The following LAMA2 variants were observed in gnomAD, a reference collection of about 807,000 sequenced individuals.
LAMA2 encodes laminin subunit alpha 2.
In LAMA2, 269 loss-of-function variants were observed where a neutral mutation model predicts 364.8. That is an observed-to-expected ratio of 0.74 (90% CI 0.67 to 0.82). LAMA2 has a LOEUF of 0.82. LAMA2 is among the 40% of genes least tolerant of loss of function. The probability of loss-of-function intolerance (pLI) is 0.00; values close to 1 mark genes in which losing one functional copy is unlikely to be tolerated. For missense variants in LAMA2, 3,807 were observed against 3,873.2 expected, an observed-to-expected ratio of 0.98 and a Z score of 0.45; for synonymous variants, 1,379 against 1,370.6, an observed-to-expected ratio of 1.01 and a Z score of -0.14.
intron 4 of LAMA2, among the ~76,000 whole-genome samples, chr6:129,109,825 A>G (rs1476957084): frequency 6.6e-6 from 1 of 152,026 alleles, no homozygotes; most frequent in African/African-American, 2.4e-5. Context: ...TATTTTTATT[A>G]TTAATTGACT....
intron 41 of LAMA2, among the ~76,000 whole-genome samples, chr6:129,435,540 ATATAT>A (rs1408420915): frequency 6.6e-6 from 1 of 152,180 alleles, no homozygotes; most frequent in Admixed American, 6.6e-5. Flanking sequence ...GAAAATAATA[ATATAT>A]TAGTGACTGA....
Position 128,885,271 on chromosome 6 carries a change from A to G in LAMA2, c.112+1914A>G, listed in dbSNP as rs58649710. Among the ~76,000 whole-genome samples the G allele has an allele frequency of 7.9e-3, 1,203 of 152,336 alleles. 15 individuals are homozygous for G. Among genetic ancestry groups the G allele is most frequent in the African/African-American group, 0.028 (1,161 of 41,572 alleles). The stretch of plus-strand genomic sequence containing the variant: ...TTAATGTTGAAAGTATGTAAAATTC[A>G]TGAAACTTTAAAATTGGATAGTGAT... On this transcript the variant is annotated intron_variant, in intron 1 of 64. Transcript: ENST00000421865.
At chr6:129,411,289 T>C (rs10456978) in intron 40 of LAMA2, among the ~76,000 whole-genome samples, 76,210 of 151,962 alleles carry the variant, frequency 0.5, 19,608 homozygotes, top group African/African-American at 0.62. Flanking sequence ...CTAAAAAATG[T>C]TGACCAGGCC....
chr6:129,053,713 A>G (rs1788258469), intron 2 of LAMA2, among the ~76,000 whole-genome samples: 1 of 152,236 alleles, frequency 6.6e-6, no homozygotes, highest in Non-Finnish European at 1.5e-5. Context: ...ATGGCCATCC[A>G]TTGAACACCT....
chr6:129,076,687 A>T lies in LAMA2; in HGVS notation c.396+16791A>T, dbSNP rs187193752. 3.7e-3 allele frequency among the ~76,000 whole-genome samples: 563 copies of T among 151,720 alleles called. 1 individual carries two copies. Among genetic ancestry groups the T allele is most frequent in the African/African-American group, 0.013 (539 of 41,438 alleles). ...GAAATAGCCAATAAAATTGTGTGGAAAAAAGATAGCGGTAGCAGATAATAA... is the reference window on the plus strand; with the variant it reads ...GAAATAGCCAATAAAATTGTGTGGATAAAAGATAGCGGTAGCAGATAATAA... On this transcript the variant is annotated intron_variant, in intron 3 of 64. Coordinates refer to ENST00000421865, the MANE Select transcript of LAMA2 (RefSeq NM_000426.4).
chr6:129,211,896 C>A (rs547892270), intron 12 of LAMA2, among the ~76,000 whole-genome samples: 1 of 152,268 alleles, frequency 6.6e-6, no homozygotes, highest in East Asian at 1.9e-4. Flanking sequence ...TAGAACCTAG[C>A]AGATTGCTTT....
intron 9 of LAMA2, among the ~76,000 whole-genome samples, chr6:129,167,416 G>C (rs1045043012): frequency 6.7e-6 from 1 of 150,368 alleles, no homozygotes; most frequent in Non-Finnish European, 1.5e-5. Flanking sequence ...GTGGTGTTTG[G>C]TTTTTTGTTC....
chr6:129,362,314 T>C (rs912711849), intron 32 of LAMA2, among the ~76,000 whole-genome samples: 5 of 152,168 alleles, frequency 3.3e-5, no homozygotes, highest in Non-Finnish European at 7.3e-5. Context: ...TAAACCATTG[T>C]TTTTAATGTA....
At chr6:128,986,209 TC>T (rs1783224761) in intron 1 of LAMA2, among the ~76,000 whole-genome samples, 2 of 152,298 alleles carry the variant, frequency 1.3e-5, no homozygotes, top group African/African-American at 4.8e-5. Flanking sequence ...GGCTTTCTAG[TC>T]CTTTAAACTC....
At chr6:129,451,433 T>C (rs1181372449) in intron 45 of LAMA2, among the ~76,000 whole-genome samples, 1 of 152,076 alleles carries the variant, frequency 6.6e-6, no homozygotes, top group Non-Finnish European at 1.5e-5. Context: ...AATAAGAAAG[T>C]GGTTTAAGCA....
rs991891257 is a variant in LAMA2, at chr6:129,292,788, G to A, written c.2856+1068G>A. On this transcript the variant is annotated intron_variant, in intron 20 of 64. Coordinates refer to ENST00000421865, the MANE Select transcript of LAMA2 (RefSeq NM_000426.4). ...CTGTTTTGTTTTTATTTTATTTTATGGTTGGTTTTTAAAGCCCAATATGTG... is the reference window on the plus strand; with the variant it reads ...CTGTTTTGTTTTTATTTTATTTTATAGTTGGTTTTTAAAGCCCAATATGTG... 72 of 984,380 alleles carry A rather than the reference G, an allele frequency of 7.3e-5. No homozygotes were observed. Among genetic ancestry groups the A allele is most frequent in the Non-Finnish European group, 8.3e-5 (69 of 828,734 alleles). The allele number at this position is 984,380 out of a possible 1,614,324, so 61.0% of individuals were successfully genotyped here.
chr6:129,477,105 T>G (rs1464467232), intron 53 of LAMA2, among the ~76,000 whole-genome samples: 1 of 152,226 alleles, frequency 6.6e-6, no homozygotes, highest in Non-Finnish European at 1.5e-5. Context: ...CGATGCTGAT[T>G]ACCACCACAT....
chr6:129,250,275 C>T (rs1432463974), intron 13 of LAMA2, 62 bp downstream of exon 13: 11 of 1,045,124 alleles, frequency 1.1e-5, no homozygotes, highest in Non-Finnish European at 1.6e-5. Flanking sequence ...GTTACCAGTA[C>T]TGTATTTTTT....
chr6:129,006,385 A>G (rs1054481244), intron 1 of LAMA2, among the ~76,000 whole-genome samples: 5 of 152,092 alleles, frequency 3.3e-5, no homozygotes, highest in African/African-American at 1.2e-4. Flanking sequence ...TCTTAATTTT[A>G]TTTTCTTTTA....
intron 1 of LAMA2, among the ~76,000 whole-genome samples, chr6:128,887,457 T>G (rs920115382): frequency 1.3e-5 from 2 of 152,002 alleles, no homozygotes; most frequent in African/African-American, 4.8e-5. Context: ...ATTAATAAAA[T>G]TTATATAAAT....
chr6:129,078,926 A>T (rs1389824379), intron 3 of LAMA2, among the ~76,000 whole-genome samples: 1 of 152,176 alleles, frequency 6.6e-6, no homozygotes, highest in Non-Finnish European at 1.5e-5. Context: ...ATTTCATTCA[A>T]CATAGTGTCT....
intron 1 of LAMA2, among the ~76,000 whole-genome samples, chr6:129,020,956 C>T (rs1277252687): frequency 1.3e-5 from 2 of 152,106 alleles, no homozygotes; most frequent in African/African-American, 4.8e-5. Flanking sequence ...GAAGTATTCC[C>T]CTGTACAGAA....
chr6:129,017,677 CTGA>C (rs765441671), intron 1 of LAMA2, among the ~76,000 whole-genome samples: 6 of 152,022 alleles, frequency 3.9e-5, no homozygotes, highest in Non-Finnish European at 8.8e-5. Context: ...GGTGACATGG[CTGA>C]TGATAACATG....
intron 2 of LAMA2, among the ~76,000 whole-genome samples, chr6:129,058,772 T>C (rs562735062): frequency 3.9e-5 from 6 of 152,296 alleles, no homozygotes; most frequent in South Asian, 2.1e-4. Context: ...GTGAAAGGCA[T>C]ACAAAATGTA....
Sources: gnomAD v4.1 joint callset for allele counts (sites outside exome capture counted in the v4.1 genomes callset) on GRCh38, gnomAD v4.1.1 for gene constraint, MANE v1.5 for transcripts, NCBI Gene and HGNC (gene_info 2026-07-23, HGNC 2026-07-21) for gene names.